The following DDX60L variants were observed in gnomAD, a reference collection of about 807,000 sequenced individuals.
The protein encoded by DDX60L is DExD/H-box 60 like.
A neutral mutation model predicts 211.6 loss-of-function variants in DDX60L; 191 were observed. The ratio of observed to expected loss-of-function variants is 0.90; its 90% confidence interval spans 0.80 to 1.02. The LOEUF is 1.02. DDX60L is among the 50% of genes least tolerant of loss of function. The pLI is 0.00. For synonymous variants in DDX60L, 706 were observed against 694.1 expected (o/e 1.02, Z -0.27); for missense variants, 2,007 against 1,984.1 (o/e 1.01, Z -0.22).
At chr4:168,385,308 T>C (rs998107703) in intron 29 of DDX60L, among the ~76,000 whole-genome samples, 3 of 152,190 alleles carry the variant, frequency 2.0e-5, no homozygotes, top group African/African-American at 7.2e-5. Context: ...CTCAAAGAGC[T>C]TCCACACAGC....
At chr4:168,365,324 A>AT (rs1201367873) in intron 36 of DDX60L, among the ~76,000 whole-genome samples, 2 of 152,102 alleles carry the variant, frequency 1.3e-5, no homozygotes, top group Non-Finnish European at 2.9e-5. Context: ...AAAATTAGAT[A>AT]TTAAAAAGGA....
intron 36 of DDX60L, among the ~76,000 whole-genome samples, chr4:168,368,581 G>C (rs1740406378): frequency 6.6e-6 from 1 of 152,204 alleles, no homozygotes; most frequent in African/African-American, 2.4e-5. Context: ...GCTGTGAGAA[G>C]AGGGCCACTA....
At chr4:168,390,341 C>A in intron 29 of DDX60L, 1 of 1,166,640 alleles carries the variant, frequency 8.6e-7, no homozygotes, top group Non-Finnish European at 1.1e-6. Context: ...AATTCCAGCT[C>A]AGGGACTTCC....
chr4:168,427,384 A>G, intron 13 of DDX60L, 62 bp from the exon 14 acceptor site: 1 of 1,544,128 alleles, frequency 6.5e-7, no homozygotes, highest in Non-Finnish European at 8.7e-7. Flanking sequence ...ACATTTCACT[A>G]GTGAGATTAT....
At chr4:168,425,962 G>A (rs1244194939) in intron 14 of DDX60L, among the ~76,000 whole-genome samples, 24 of 152,148 alleles carry the variant, frequency 1.6e-4, no homozygotes, top group Non-Finnish European at 7.4e-5. Context: ...ATTCTCTGCT[G>A]CCAGTTGGAG....
intron 10 of DDX60L, among the ~76,000 whole-genome samples, chr4:168,436,085 G>T (rs545915465): frequency 6.6e-6 from 1 of 152,298 alleles, no homozygotes; most frequent in East Asian, 1.9e-4. Flanking sequence ...TATAATGCCT[G>T]GGGGAGCCTT....
chr4:168,410,197 C>T (rs1331335620), intron 22 of DDX60L, among the ~76,000 whole-genome samples: 3 of 151,892 alleles, frequency 2.0e-5, no homozygotes, highest in Non-Finnish European at 2.9e-5. Flanking sequence ...TTAAAAAGTA[C>T]AAATAATAAG....
chr4:168,375,026 A>C (rs1741696078), intron 34 of DDX60L, among the ~76,000 whole-genome samples: 1 of 152,242 alleles, frequency 6.6e-6, no homozygotes. Flanking sequence ...AAAAAATGCC[A>C]GAAATTATGC....
intron 1 of DDX60L, among the ~76,000 whole-genome samples, chr4:168,478,231 T>C (rs753954007): frequency 5.9e-5 from 9 of 151,622 alleles, no homozygotes; most frequent in Non-Finnish European, 1.3e-4. Flanking sequence ...CAAAGACTCA[T>C]AAAGAATTCT....
intron 35 of DDX60L, 47 bp from the exon 36 acceptor site, chr4:168,371,810 T>C (rs1741081312): frequency 2.0e-6 from 3 of 1,481,308 alleles, no homozygotes; most frequent in African/African-American, 2.8e-5. Context: ...ATGTAAAGAG[T>C]AACTGTTTGC....
Position 168,394,529 on chromosome 4 carries a change from T to G in DDX60L, c.3746A>C (p.His1249Pro), listed in dbSNP as rs1490581698. 3.7e-6 allele frequency: 6 copies of G among 1,613,642 alleles called. No individual in the cohort carries two copies. The highest frequency in any genetic ancestry group is 5.1e-6 in the Non-Finnish European group (6 of 1,179,616). ...TTTTTCTTTAAAATACATGCTGCTGTGATGATATCCAATCCCCCTTTGTGC... is the reference window on the plus strand; with the variant it reads ...TTTTTCTTTAAAATACATGCTGCTGGGATGATATCCAATCCCCCTTTGTGC... Reference protein sequence around the residue: ...ALAQRGIGYHHSSMYFKEKEF... With the variant: ...ALAQRGIGYHPSSMYFKEKEF... Residue 1249 changes from histidine (H) to proline (P), a missense_variant, in exon 28 of 38, where the codon CAC (histidine) becomes CCC (proline). Physicochemically the swap from His to Pro is moderately conservative, Grantham distance 77. Coordinates refer to ENST00000682922, the MANE Select transcript of DDX60L (RefSeq NM_001012967.3).
intron 12 of DDX60L, 130 bp from the exon 13 acceptor site, chr4:168,430,768 C>A: frequency 1.6e-6 from 1 of 626,934 alleles, no homozygotes; most frequent in Non-Finnish European, 2.5e-6. Flanking sequence ...GATTACCATA[C>A]GCTAACAAAA....
Position 168,430,909 on chromosome 4 carries a change from C to T in DDX60L, c.1517-271G>A, listed in dbSNP as rs148186701. Among the ~76,000 whole-genome samples the T allele has an allele frequency of 1.6e-4, 25 of 152,236 alleles. No individual in the cohort carries two copies. The East Asian group carries it at 4.4e-3, about 27-fold the overall frequency. On this transcript the variant is annotated intron_variant, in intron 12 of 37. Transcript: ENST00000682922. ...AGGAAGGTTGGGGGCAGTCTAATAG[C>T]ACATTCACCTGCAACAGGGGTCTAC...
chr4:168,475,042 G>A (rs1383222860), intron 1 of DDX60L, among the ~76,000 whole-genome samples: 1 of 152,118 alleles, frequency 6.6e-6, no homozygotes, highest in Admixed American at 6.6e-5. Flanking sequence ...AGCCACAAAA[G>A]AATCAAAATG....
rs190967397 is a variant in DDX60L, at chr4:168,451,395, C to T, written c.996+1729G>A. 1.6e-3 allele frequency among the ~76,000 whole-genome samples: 242 copies of T among 152,314 alleles called. 1 individual carries two copies. The highest frequency in any genetic ancestry group is 5.5e-3 in the African/African-American group (227 of 41,568). On this transcript the variant is annotated intron_variant, in intron 8 of 37. Transcript: ENST00000682922. ...TTTCCTCTTCAGAATGTTCTTCTTT[C>T]GGTGGCAGCATCCATACAGTTGGCC...
chr4:168,385,551 G>C (rs1017601602), intron 29 of DDX60L, among the ~76,000 whole-genome samples: 3 of 152,190 alleles, frequency 2.0e-5, no homozygotes, highest in African/African-American at 7.2e-5. Flanking sequence ...ATAAGTTCCA[G>C]AGGACTGCAC....
chr4:168,361,678 C>A (rs1443319376), intron 36 of DDX60L, among the ~76,000 whole-genome samples: 1 of 152,144 alleles, frequency 6.6e-6, no homozygotes, highest in Non-Finnish European at 1.5e-5. Flanking sequence ...GTCTCTCCTA[C>A]CAGAAATGAC....
chr4:168,384,869 T>A, intron 29 of DDX60L, 57 bp from the exon 30 acceptor site: 4 of 1,507,342 alleles, frequency 2.7e-6, no homozygotes, highest in Non-Finnish European at 3.6e-6. Context: ...TCCTATGAAG[T>A]CCAAAGATTT....
chr4:168,441,527 G>C, intron 9 of DDX60L, 35 bp from the exon 10 acceptor site: 1 of 1,536,268 alleles, frequency 6.5e-7, no homozygotes, highest in Non-Finnish European at 8.9e-7. Flanking sequence ...AATCTCAAAA[G>C]TCATACACAT....
Sources: gnomAD v4.1 joint callset for allele counts (sites outside exome capture counted in the v4.1 genomes callset) on GRCh38, gnomAD v4.1.1 for gene constraint, MANE v1.5 for transcripts, NCBI Gene and HGNC (gene_info 2026-07-23, HGNC 2026-07-21) for gene names.